The following RHOJ variants were observed in gnomAD, a reference collection of about 807,000 sequenced individuals.
RHOJ encodes the protein rho-related GTP-binding protein RhoJ.
In RHOJ, 11 loss-of-function variants were observed where a neutral mutation model predicts 23.4. That is an observed-to-expected ratio of 0.47 (90% CI 0.30 to 0.78). The LOEUF (loss-of-function observed/expected upper bound fraction) is 0.78. Ranked by LOEUF, RHOJ falls within the 30% of genes least tolerant of loss-of-function variation. RHOJ has a pLI of 0.08. For synonymous variants in RHOJ, 102 were observed against 102.7 expected (o/e 0.99, Z 0.04); for missense variants, 254 against 273.4 (o/e 0.93, Z 0.50).
chr14:63,274,738 G>A (rs1270041998), intron 2 of RHOJ, among the ~76,000 whole-genome samples: 1 of 152,136 alleles, frequency 6.6e-6, no homozygotes, highest in Non-Finnish European at 1.5e-5. Context: ...GGAAAGGGAG[G>A]CATGGAGAAC....
chr14:63,285,385 G>C (rs1237256324), intron 4 of RHOJ, among the ~76,000 whole-genome samples: 1 of 152,048 alleles, frequency 6.6e-6, no homozygotes, highest in Admixed American at 6.6e-5. Flanking sequence ...TTATATACTG[G>C]AGTCCCTTAT....
intron 1 of RHOJ, among the ~76,000 whole-genome samples, chr14:63,215,665 T>G (rs945191713): frequency 3.9e-5 from 6 of 152,128 alleles, no homozygotes; most frequent in African/African-American, 1.4e-4. Context: ...AATGGCAGAA[T>G]TGGGATTCAA....
chr14:63,290,986 C>A lies in RHOJ; in HGVS notation c.607C>A (p.Arg203Ser), dbSNP rs755677655. 6.2e-7 allele frequency: 1 copy of A among 1,614,128 alleles called. No individual in the cohort carries two copies. The highest frequency in any genetic ancestry group is 2.2e-5 in the East Asian group (1 of 44,882). Residue 203 changes from arginine (R) to serine (S), a missense_variant, in exon 5 of 5, where the codon CGC (arginine) becomes AGC (serine). Arg to Ser is a moderately radical substitution (Grantham distance 110). Coordinates refer to ENST00000316754, the MANE Select transcript of RHOJ (RefSeq NM_020663.5). ...TIFHPKKKKK[R>S]CSEGHSCCSI... ...TTTCCACCCCAAGAAAAAGAAGAAACGCTGTTCTGAGGGTCACAGCTGCTG... is the reference window on the plus strand; with the variant it reads ...TTTCCACCCCAAGAAAAAGAAGAAAAGCTGTTCTGAGGGTCACAGCTGCTG...
chr14:63,278,859 G>A (rs1424373898), intron 2 of RHOJ, among the ~76,000 whole-genome samples: 1 of 152,200 alleles, frequency 6.6e-6, no homozygotes, highest in Admixed American at 6.5e-5. Flanking sequence ...GGTGGCATGT[G>A]CCTGTAGTCC....
At chr14:63,267,432 G>C (rs769359933) in intron 1 of RHOJ, among the ~76,000 whole-genome samples, 12 of 152,214 alleles carry the variant, frequency 7.9e-5, no homozygotes, top group Non-Finnish European at 1.8e-4. Context: ...CCCCGGGCCT[G>C]TATGTCATGA....
rs1365828325 is a variant in RHOJ at position 63,292,250 on chromosome 14, G to C, written c.*1226G>C. ...CTCATCCTCCCAAATGTCTTTGTGG[G>C]AGCCATATCAGTGGATACCAAGCTC... On this transcript the variant is annotated 3_prime_UTR_variant, in exon 5 of 5. Transcript: ENST00000316754. 3 of 151,908 alleles carry C rather than the reference G, an allele frequency of 2.0e-5. No homozygotes were observed. Among genetic ancestry groups the C allele is most frequent in the Non-Finnish European group, 4.4e-5 (3 of 67,980 alleles). The allele number at this position is 151,908 out of a possible 1,614,324, so 9.4% of individuals were successfully genotyped here.
chr14:63,254,755 A>G (rs1035798390), intron 1 of RHOJ, among the ~76,000 whole-genome samples: 1 of 152,150 alleles, frequency 6.6e-6, no homozygotes, highest in Non-Finnish European at 1.5e-5. Context: ...CCATGCCCAC[A>G]CAGGCTGCCA....
rs564782397 is a variant in RHOJ, at chr14:63,292,295, C to T, written c.*1271C>T. On this transcript the variant is annotated 3_prime_UTR_variant, in exon 5 of 5. Coordinates refer to ENST00000316754, the MANE Select transcript of RHOJ (RefSeq NM_020663.5). ...AAGCTCTGTATCCATTTGTCCCCTG[C>T]CCTCCACAATGTGTGACATAGAACA... 1 of 152,164 alleles carries T rather than the reference C, an allele frequency of 6.6e-6. No individual in the cohort carries two copies. Among genetic ancestry groups the T allele is most frequent in the Non-Finnish European group, 1.5e-5 (1 of 68,030 alleles). 9.4% of individuals were successfully genotyped at this position (152,164 alleles called of 1,614,324 possible). A position where few individuals can be genotyped will look rare whatever the true frequency, so the allele number is the denominator to read the frequency against.
At chr14:63,230,380 G>T (rs1462739793) in intron 1 of RHOJ, among the ~76,000 whole-genome samples, 1 of 152,028 alleles carries the variant, frequency 6.6e-6, no homozygotes, top group Non-Finnish European at 1.5e-5. Context: ...CTATAACTAT[G>T]TTTAAGTTCT....
At chr14:63,227,006 C>T (rs1346112781) in intron 1 of RHOJ, among the ~76,000 whole-genome samples, 1 of 152,032 alleles carries the variant, frequency 6.6e-6, no homozygotes, top group Non-Finnish European at 1.5e-5. Flanking sequence ...GGTTGGAGTG[C>T]AATGGTGCAA....
At chr14:63,268,270 C>T (rs1012672678) in intron 1 of RHOJ, among the ~76,000 whole-genome samples, 4 of 152,066 alleles carry the variant, frequency 2.6e-5, no homozygotes, top group Non-Finnish European at 5.9e-5. Flanking sequence ...AATTCTATTA[C>T]TCCTGCATTC....
chr14:63,275,472 T>A (rs1328429520), intron 2 of RHOJ, among the ~76,000 whole-genome samples: 1 of 152,180 alleles, frequency 6.6e-6, no homozygotes. Context: ...GCGCATCTGA[T>A]GCTAACACTT....
intron 1 of RHOJ, among the ~76,000 whole-genome samples, chr14:63,242,391 A>T (rs186675080): frequency 4.6e-5 from 7 of 152,222 alleles, no homozygotes; most frequent in Admixed American, 3.9e-4. Context: ...ACATAGCAAG[A>T]CCTCATCTCT....
chr14:63,257,338 G>T (rs1895188197), intron 1 of RHOJ, among the ~76,000 whole-genome samples: 2 of 149,568 alleles, frequency 1.3e-5, no homozygotes, highest in African/African-American at 4.9e-5. Flanking sequence ...CCCAGCTCAG[G>T]CTGAGTTGCC....
intron 1 of RHOJ, among the ~76,000 whole-genome samples, chr14:63,256,650 A>G (rs1220170049): frequency 6.6e-6 from 1 of 152,196 alleles, no homozygotes; most frequent in Non-Finnish European, 1.5e-5. Context: ...AAGTGACAAG[A>G]GTCTCTTGGC....
chr14:63,292,554 G>A lies in RHOJ; in HGVS notation c.*1530G>A, dbSNP rs1415247430. On this transcript the variant is annotated 3_prime_UTR_variant, in exon 5 of 5. Transcript: ENST00000316754. The stretch of plus-strand genomic sequence containing the variant: ...TGCATGAGCAAAGTGCTTCTTAGTA[G>A]TGTGAAATTACAACAACTTTAAGAC... 6.6e-6 allele frequency: 1 copy of A among 152,110 alleles called. No individual in the cohort carries two copies. Among genetic ancestry groups the A allele is most frequent in the Non-Finnish European group, 1.5e-5 (1 of 68,026 alleles). The allele number at this position is 152,110 out of a possible 1,614,324, so 9.4% of individuals were successfully genotyped here.
intron 1 of RHOJ, among the ~76,000 whole-genome samples, chr14:63,219,649 C>G (rs1894442299): frequency 6.6e-6 from 1 of 152,050 alleles, no homozygotes; most frequent in African/African-American, 2.4e-5. Context: ...AACCCTGTCT[C>G]TACTAAAAAT....
rs746479218 is a variant in RHOJ, at chr14:63,283,263, G to T, written c.498+47G>T. 4.7e-6 allele frequency: 7 copies of T among 1,487,056 alleles called. No homozygotes were observed. The African/African-American group carries it at 5.5e-5, about 12-fold the overall frequency. The allele number at this position is 1,487,056 out of a possible 1,614,324, so 92.1% of individuals were successfully genotyped here. On this transcript the variant is annotated intron_variant, in intron 4 of 4. Transcript: ENST00000316754. ...ATTTTAAATGTATGCTGAGAGAAGA[G>T]TGTGTTGTATGCTTTGGAAATGGGT...
At chr14:63,275,650 CTACTT>C (rs1232305841) in intron 2 of RHOJ, among the ~76,000 whole-genome samples, 1 of 152,194 alleles carries the variant, frequency 6.6e-6, no homozygotes, top group Non-Finnish European at 1.5e-5. Flanking sequence ...GCCTCTTTGT[CTACTT>C]TACCTCCAAA....
Sources: allele counts gnomAD v4.1 joint callset (sites outside exome capture counted in the v4.1 genomes callset), GRCh38; gene constraint gnomAD v4.1.1; transcripts MANE v1.5; gene names NCBI Gene and HGNC (gene_info 2026-07-23, HGNC 2026-07-21).